COL1A1: variants seen among roughly 807,000 people sequenced by gnomAD.
The protein encoded by COL1A1 is collagen type I alpha 1 chain, also known as collagen alpha-1(I) chain.
A neutral mutation model predicts 195.7 loss-of-function variants in COL1A1; 21 were observed. That is an observed-to-expected ratio of 0.11 (90% CI 0.08 to 0.15). COL1A1 has a LOEUF of 0.15. Ranked by LOEUF, COL1A1 falls within the 10% of genes least tolerant of loss-of-function variation. The probability of loss-of-function intolerance (pLI) is 1.00; values close to 1 mark genes in which losing one functional copy is unlikely to be tolerated. For missense variants in COL1A1, 1,365 were observed against 2,051.0 expected, an observed-to-expected ratio of 0.67 and a Z score of 6.46; for synonymous variants, 749 against 747.3, an observed-to-expected ratio of 1.00 and a Z score of -0.04.
chr17:50,197,600 A>G, intron 9 of COL1A1, 132 bp downstream of exon 9: 1 of 757,174 alleles, frequency 1.3e-6, no homozygotes, highest in South Asian at 1.7e-5. Context: ...GTTCCAGGGC[A>G]GTCCGTGCAT....
At chr17:50,191,358 A>G in intron 32 of COL1A1, 25 bp downstream of exon 32, 1 of 1,597,538 alleles carries the variant, frequency 6.3e-7, no homozygotes. Context: ...TGTAGGGCTC[A>G]GGGGAGGGGG....
chr17:50,193,976 A>G lies in COL1A1; in HGVS notation c.1734T>C (p.Gly578=). 1 of 1,614,084 alleles carries G rather than the reference A, an allele frequency of 6.2e-7. No individual in the cohort carries two copies. Among genetic ancestry groups the G allele is most frequent in the South Asian group, 1.1e-5 (1 of 91,080 alleles). ...CTTTAGGTCCAGGGAATCCCATCAC[A>G]CCAGCCTGACCACGGGCACCAGGTG... The part of the protein sequence containing the change: ...PGPPGARGQA[G]VMGFPGPKGA... Residue 578 remains glycine, a synonymous_variant, in exon 25 of 51, where the codon GGT becomes GGC. Transcript: ENST00000225964.
rs72645366 is a variant in COL1A1, at chr17:50,195,641, G to C, written c.1081C>G (p.Arg361Gly). ...AKGEAGPQGP[R>G]GSEGPQGVRG... The stretch of plus-strand genomic sequence containing the variant: ...ACACCCTGGGGACCTTCAGAGCCTC[G>C]GGGCCCTTGGGGACCAGCTTCACCC... Residue 361 changes from arginine (R) to glycine (G), a missense_variant, in exon 17 of 51, where the codon CGA becomes GGA. By Grantham distance (125) the Arg-to-Gly change is moderately radical. Coordinates refer to ENST00000225964, the MANE Select transcript of COL1A1 (RefSeq NM_000088.4). This position sits in a 1 kb window ranked among gnomAD's most constrained non-coding sequence, Gnocchi z 4.3. The C allele has an allele frequency of 2.5e-5, 41 of 1,613,636 alleles. No individual in the cohort carries two copies. Among genetic ancestry groups the C allele is most frequent in the South Asian group, 1.8e-4 (16 of 91,082 alleles).
chr17:50,199,499 G>GA, intron 3 of COL1A1, 46 bp from the exon 4 acceptor site: 1 of 1,614,202 alleles, frequency 6.2e-7, no homozygotes, highest in Non-Finnish European at 8.5e-7. Flanking sequence ...TTAGAGAAGG[G>GA]AGGACTGTGA....
At chr17:50,198,545 G>C in intron 5 of COL1A1, 41 bp from the exon 6 acceptor site, 2 of 1,523,972 alleles carry the variant, frequency 1.3e-6, no homozygotes, top group Non-Finnish European at 1.8e-6. Context: ...ACAGTGAATT[G>C]AAAGGCAGAA....
At chr17:50,199,668 G>A (rs1458975183) in intron 2 of COL1A1, 78 bp from the exon 3 acceptor site, 1 of 1,609,870 alleles carries the variant, frequency 6.2e-7, no homozygotes, top group Admixed American at 1.7e-5. Flanking sequence ...CAGCACGGAG[G>A]GCCAGCGAGC....
intron 46 of COL1A1, 74 bp downstream of exon 46, chr17:50,187,410 G>A: frequency 6.7e-7 from 1 of 1,502,884 alleles, no homozygotes; most frequent in Non-Finnish European, 9.2e-7. Context: ...AAGGGTGCCT[G>A]GGTCCCTGGC....
intron 25 of COL1A1, chr17:50,193,615 G>A: frequency 2.8e-6 from 1 of 363,256 alleles, no homozygotes; most frequent in South Asian, 2.3e-5. Flanking sequence ...CTGACTAGCT[G>A]GGGTTACAGG....
rs754481870 is a variant in COL1A1, at chr17:50,185,834, T to A, written c.4192A>T (p.Ile1398Phe). Residue 1398 changes from isoleucine to phenylalanine, a missense_variant, in exon 50 of 51, where the codon ATC (isoleucine) becomes TTC (phenylalanine). Physicochemically the swap from Ile to Phe is conservative, Grantham distance 21 (BLOSUM62 0). Coordinates refer to ENST00000225964, the MANE Select transcript of COL1A1 (RefSeq NM_000088.4). ...AAGCGGCTGTTGCCCTCGGCGCGGA[T>A]CTCGATCTCGTTGGAGCCCTGGAGG... ...LLLQGSNEIE[I>F]RAEGNSRFTY... 1 of 1,614,034 alleles carries A rather than the reference T, an allele frequency of 6.2e-7. No individual in the cohort carries two copies. Among genetic ancestry groups the A allele is most frequent in the Non-Finnish European group, 8.5e-7 (1 of 1,179,996 alleles).
rs752849759 is a variant in COL1A1, at chr17:50,194,115, G to T, written c.1668+15C>A. On this transcript the variant is annotated intron_variant, in intron 24 of 50. Coordinates refer to ENST00000225964, the MANE Select transcript of COL1A1 (RefSeq NM_000088.4). This position sits in a 1 kb window ranked among gnomAD's most constrained non-coding sequence, Gnocchi z 6.8. ...ACAGGACAATGGCAGGGGGTTCAGG[G>T]GGAGTGATACTTACAGGGGGGCCAG... 1.9e-6 allele frequency: 3 copies of T among 1,613,196 alleles called. No homozygotes were observed. Among genetic ancestry groups the T allele is most frequent in the Non-Finnish European group, 2.5e-6 (3 of 1,179,358 alleles).
Position 50,186,312 on chromosome 17 carries a change from C to G in COL1A1, c.4005+5G>C. On this transcript the variant is annotated splice_donor_5th_base_variant and intron_variant, in intron 49 of 50. Coordinates refer to ENST00000225964, the MANE Select transcript of COL1A1 (RefSeq NM_000088.4). The surrounding 1 kb of genome is among the most constrained non-coding windows in gnomAD (Gnocchi z 5.3). ...AACACTGGCTCTGAGGTCCAGCTCA[C>G]GCACCTGGAATCCATCGGTCATGCT... 1 of 1,614,086 alleles carries G rather than the reference C, an allele frequency of 6.2e-7. No homozygotes were observed. The highest frequency in any genetic ancestry group is 8.5e-7 in the Non-Finnish European group (1 of 1,180,014).
Position 50,185,297 on chromosome 17 carries a change from T to C in COL1A1, c.*205A>G. On this transcript the variant is annotated 3_prime_UTR_variant, in exon 51 of 51. Transcript: ENST00000225964. ...TTTTTGGTAAGGTTGAATGCACTTT[T>C]GGTTTTTGGTCATGTTCGGTTGGTC... 1 of 530,892 alleles carries C rather than the reference T, an allele frequency of 1.9e-6. No homozygotes were observed. Among genetic ancestry groups the C allele is most frequent in the South Asian group, 2.4e-5 (1 of 41,674 alleles). 32.9% of individuals were successfully genotyped at this position (530,892 alleles called of 1,614,324 possible). A position where few individuals can be genotyped will look rare whatever the true frequency, so the allele number is the denominator to read the frequency against.
At position 50,188,033 on chromosome 17, in the gene COL1A1, G is replaced by A. The variant is rs41316707; in HGVS notation, c.3262-50C>T. 3.6e-4 allele frequency: 579 copies of A among 1,613,244 alleles called. No homozygotes were observed. In the African/African-American group the frequency reaches 6.4e-3, roughly 18 times the overall value. ...GTCAGGCGGAAGTTCCATTGGCATCGAGTGGGGCACTGTCTGCATCTGTAG... is the reference window on the plus strand; with the variant it reads ...GTCAGGCGGAAGTTCCATTGGCATCAAGTGGGGCACTGTCTGCATCTGTAG... On this transcript the variant is annotated intron_variant, in intron 44 of 50. Transcript: ENST00000225964. This position sits in a 1 kb window ranked among gnomAD's most constrained non-coding sequence, Gnocchi z 5.6.
At chr17:50,191,751 G>C in intron 31 of COL1A1, 37 bp downstream of exon 31, 1 of 1,550,228 alleles carries the variant, frequency 6.5e-7, no homozygotes, top group Non-Finnish European at 8.7e-7. Context: ...CCTGGTCCCT[G>C]GGCCACTTGC....
Position 50,189,087 on chromosome 17 carries a change from A to T in COL1A1, c.2938-77T>A. 6.3e-7 allele frequency: 1 copy of T among 1,581,158 alleles called. No homozygotes were observed. The highest frequency in any genetic ancestry group is 1.3e-5 in the African/African-American group (1 of 74,302). On this transcript the variant is annotated intron_variant, in intron 40 of 50. Coordinates refer to ENST00000225964, the MANE Select transcript of COL1A1 (RefSeq NM_000088.4). This position sits in a 1 kb window ranked among gnomAD's most constrained non-coding sequence, Gnocchi z 5.5. The stretch of plus-strand genomic sequence containing the variant: ...AGTCCGCTGGAGTCATCTCTACCAA[A>T]TCTGTTCTCCTTGGCTCCGCCCCAC...
At position 50,201,440 on chromosome 17, in the gene COL1A1, T is replaced by C; in HGVS notation, c.74A>G (p.Glu25Gly). Residue 25 changes from glutamate (E) to glycine (G), a missense_variant, in exon 1 of 51, where the codon GAA becomes GGA. Physicochemically the swap from Glu to Gly is moderately conservative, Grantham distance 98. Around this residue, in one of 5 missense-constraint regions of COL1A1, gnomAD observed 194 missense variants for 221.7 expected, o/e 0.88. Coordinates refer to ENST00000225964, the MANE Select transcript of COL1A1 (RefSeq NM_000088.4). ...TTCGTCTTGGCCCTCGACTTGGCCT[T>C]CCTCTTGGCCGTGCGTCAGGAGGGC... ...ATALLTHGQE[E>G]GQVEGQDEDI... The C allele has an allele frequency of 6.2e-7, 1 of 1,613,814 alleles. No homozygotes were observed. Among genetic ancestry groups the C allele is most frequent in the South Asian group, 1.1e-5 (1 of 91,070 alleles).
intron 46 of COL1A1, 59 bp downstream of exon 46, chr17:50,187,425 G>A (rs1448689727): frequency 6.3e-7 from 1 of 1,583,366 alleles, no homozygotes; most frequent in East Asian, 2.2e-5. Context: ...CCTGGCAAGG[G>A]TCCCCGAGGT....
rs762809403 is a variant in COL1A1, at chr17:50,195,324, G to C, written c.1207C>G (p.Pro403Ala). Residue 403 changes from proline to alanine, a missense_variant, in exon 19 of 51, where the codon CCT becomes GCT. By Grantham distance (27) the Pro-to-Ala change is conservative. Coordinates refer to ENST00000225964, the MANE Select transcript of COL1A1 (RefSeq NM_000088.4). The surrounding 1 kb of genome is among the most constrained non-coding windows in gnomAD (Gnocchi z 4.3). ...AAGCCAGGAGCACCAGCAATACCAG[G>C]AGCACCCTGTGGGAGGCAGACAGCC... Reference protein sequence around the residue: ...QPGAKGANGAPGIAGAPGFPG... With the variant: ...QPGAKGANGAAGIAGAPGFPG... 4.0e-5 allele frequency: 64 copies of C among 1,613,774 alleles called. No individual in the cohort carries two copies. The highest frequency in any genetic ancestry group is 5.3e-5 in the Non-Finnish European group (62 of 1,179,954).
Position 50,188,032 on chromosome 17 carries a change from C to CGAGTGGGGCACTGTCTG in COL1A1, c.3261+47_3262-50dup, listed in dbSNP as rs1567754150. ...TGTCAGGCGGAAGTTCCATTGGCATCGAGTGGGGCACTGTCTGCATCTGTA... is the reference window on the plus strand; with the variant it reads ...TGTCAGGCGGAAGTTCCATTGGCATCGAGTGGGGCACTGTCTGGAGTGGGGCACTGTCTGCATCTGTA... On this transcript the variant is annotated intron_variant, in intron 44 of 50. Transcript: ENST00000225964. This position sits in a 1 kb window ranked among gnomAD's most constrained non-coding sequence, Gnocchi z 5.6. The CGAGTGGGGCACTGTCTG allele has an allele frequency of 6.2e-7, 1 of 1,613,444 alleles. No individual in the cohort carries two copies. The highest frequency in any genetic ancestry group is 8.5e-7 in the Non-Finnish European group (1 of 1,179,468).
Sources: gnomAD v4.1 joint callset for allele counts on GRCh38, gnomAD v4.1.1 for gene constraint, gnomAD v4.1.1 regional missense constraint, Gnocchi (gnomAD v3.1) non-coding constraint, MANE v1.5 for transcripts, NCBI Gene and HGNC (gene_info 2026-07-23, HGNC 2026-07-21) for gene names.